CLUL1: variants seen among roughly 807,000 people sequenced by gnomAD.
CLUL1 encodes the protein clusterin like 1, also known as clusterin-like protein 1.
CLUL1 carries 43 observed loss-of-function variants against 49.4 expected under a neutral mutation model. The observed-to-expected ratio is 0.87, with a 90% CI of 0.68 to 1.12. The LOEUF is 1.12. Among genes scored for constraint, CLUL1 ranks in the 50% most tolerant of loss-of-function variants. CLUL1 has a pLI of 0.00. For synonymous variants in CLUL1, 192 were observed against 184.9 expected (o/e 1.04, Z -0.31); for missense variants, 486 against 544.4 (o/e 0.89, Z 1.07).
intron 1 of CLUL1, among the ~76,000 whole-genome samples, chr18:601,244 A>C (rs2072821344): frequency 6.6e-6 from 1 of 152,150 alleles, no homozygotes; most frequent in Non-Finnish European, 1.5e-5. Context: ...TTCTGTTTCC[A>C]AGTTTGTGTC....
intron 9 of CLUL1, among the ~76,000 whole-genome samples, chr18:647,504 C>T (rs1282726787): frequency 1.3e-5 from 2 of 152,130 alleles, no homozygotes; most frequent in East Asian, 1.9e-4. Flanking sequence ...AGGAGGAAAC[C>T]GATGGACAGC....
chr18:638,326 T>G (rs907914251), intron 7 of CLUL1, among the ~76,000 whole-genome samples: 7 of 152,218 alleles, frequency 4.6e-5, no homozygotes, highest in African/African-American at 1.7e-4. Flanking sequence ...CCAGCTAAAA[T>G]AGTTTATTAA....
chr18:605,979 T>G (rs564337131), intron 1 of CLUL1, among the ~76,000 whole-genome samples: 35 of 152,228 alleles, frequency 2.3e-4, no homozygotes, highest in African/African-American at 7.5e-4. Flanking sequence ...TGTAGTCGTT[T>G]TTTCTTTTCT....
chr18:641,362 G>C lies in CLUL1; in HGVS notation c.1030G>C (p.Asp344His). 1 of 1,614,158 alleles carries C rather than the reference G, an allele frequency of 6.2e-7. No homozygotes were observed. Among genetic ancestry groups the C allele is most frequent in the Non-Finnish European group, 8.5e-7 (1 of 1,180,034 alleles). ...PDVPALHTEL[D>H]EAIRLVNVSN... is the part of the protein sequence containing the mutation. ...TGTACCTGCTCTGCACACAGAATTA[G>C]ACGAGGCGATCAGGTTGGTCAATGT... The change falls in exon 8 of 10, where the codon GAC (aspartate) becomes CAC (histidine). Residue 344 changes from aspartate to histidine, a missense_variant. Physicochemically the swap from Asp to His is moderately conservative, Grantham distance 81 (BLOSUM62 -1). Transcript: ENST00000692774.
intron 4 of CLUL1, 148 bp downstream of exon 4, chr18:619,509 T>G: frequency 1.3e-6 from 1 of 787,648 alleles, no homozygotes; most frequent in Non-Finnish European, 1.9e-6. Flanking sequence ...TAAGGGAAGC[T>G]TCAGATTTCC....
In CLUL1 at chr18:610,675, G is replaced by T. The variant is rs73942577; in HGVS notation, c.-14+3576G>T. Among the ~76,000 whole-genome samples the T allele has an allele frequency of 3.3e-5, 5 of 152,214 alleles. No individual in the cohort carries two copies. In the South Asian group the frequency reaches 1.0e-3, roughly 32 times the overall value. ...AAGGGTCAGGAATGAGACTGAGCAGGTGTCATGTGTCTGACACCAGAGCCT... is the reference window on the plus strand; with the variant it reads ...AAGGGTCAGGAATGAGACTGAGCAGTTGTCATGTGTCTGACACCAGAGCCT... On this transcript the variant is annotated intron_variant, in intron 2 of 9. Coordinates refer to ENST00000692774, the MANE Select transcript of CLUL1 (RefSeq NM_001393344.1).
intron 6 of CLUL1, among the ~76,000 whole-genome samples, chr18:632,921 G>A (rs1180500552): frequency 1.3e-5 from 2 of 152,132 alleles, no homozygotes; most frequent in Middle Eastern, 3.2e-3. Flanking sequence ...TTGGGAGGCC[G>A]AGGCGGGTGG....
intron 2 of CLUL1, chr18:613,118 A>G (rs1350813198): frequency 1.3e-5 from 5 of 396,444 alleles, no homozygotes; most frequent in South Asian, 7.1e-5. Context: ...TACTTATGTT[A>G]TATGAAACTA....
At chr18:628,057 C>G (rs901018706) in intron 6 of CLUL1, among the ~76,000 whole-genome samples, 1 of 152,204 alleles carries the variant, frequency 6.6e-6, no homozygotes, top group South Asian at 2.1e-4. Context: ...AAACTCCCGA[C>G]CTCAGGTGAT....
At chr18:598,403 T>C in intron 1 of CLUL1, 1 of 394,738 alleles carries the variant, frequency 2.5e-6, no homozygotes, top group Non-Finnish European at 4.5e-6. Context: ...GTGTAAAGGG[T>C]CTGAATTTAG....
intron 2 of CLUL1, among the ~76,000 whole-genome samples, chr18:607,941 G>GA (rs747004125): frequency 3.3e-5 from 5 of 151,700 alleles, no homozygotes; most frequent in African/African-American, 4.8e-5. Flanking sequence ...GATCTAGGGT[G>GA]AAAAAAAAGT....
Position 645,113 on chromosome 18 carries a change from G to T in CLUL1, c.1397+16G>T. The T allele has an allele frequency of 6.4e-7, 1 of 1,553,428 alleles. No homozygotes were observed. Among genetic ancestry groups the T allele is most frequent in the South Asian group, 1.3e-5 (1 of 79,446 alleles). The stretch of plus-strand genomic sequence containing the variant: ...TTAAAACCTGGTAAGCAGAGTGCCT[G>T]GTTAGGAATGCCTTGTTGACAGGAA... On this transcript the variant is annotated intron_variant, in intron 9 of 9. Transcript: ENST00000692774.
intron 5 of CLUL1, among the ~76,000 whole-genome samples, chr18:625,637 C>A (rs2073663694): frequency 6.6e-6 from 1 of 151,858 alleles, no homozygotes; most frequent in African/African-American, 2.4e-5. Flanking sequence ...TGGTTATCTT[C>A]TGAGCAGAGG....
chr18:639,841 G>T (rs1033569255), intron 7 of CLUL1, among the ~76,000 whole-genome samples: 1 of 152,084 alleles, frequency 6.6e-6, no homozygotes. Context: ...ATTTGACTAT[G>T]TAACTTATTA....
chr18:628,372 T>C (rs112158332), intron 6 of CLUL1, among the ~76,000 whole-genome samples: 1,802 of 152,302 alleles, frequency 0.012, 31 homozygotes, highest in African/African-American at 0.041. Context: ...AGATAAGAAT[T>C]GCCTTCTACC....
chr18:601,796 G>A (rs899949127), intron 1 of CLUL1, among the ~76,000 whole-genome samples: 5 of 152,120 alleles, frequency 3.3e-5, no homozygotes, highest in African/African-American at 4.8e-5. Context: ...GTGTCACAGC[G>A]AGACTCCATC....
At position 649,956 on chromosome 18, in the gene CLUL1, C is replaced by G; in HGVS notation, c.*55C>G. ...GTAGAATTATCTCTTCATCTGGGAC[C>G]TGGAAATCCTGAAATAAAAAAGGAT... On this transcript the variant is annotated 3_prime_UTR_variant, in exon 10 of 10. Transcript: ENST00000692774. 1 of 1,150,104 alleles carries G rather than the reference C, an allele frequency of 8.7e-7. No individual in the cohort carries two copies. Among genetic ancestry groups the G allele is most frequent in the Non-Finnish European group, 1.3e-6 (1 of 789,030 alleles). 71.2% of individuals were successfully genotyped at this position (1,150,104 alleles called of 1,614,324 possible). A position where few individuals can be genotyped will look rare whatever the true frequency, so the allele number is the denominator to read the frequency against.
rs1037309113 is a variant in CLUL1, at chr18:618,542, A to G, written c.106+436A>G. ...GTTGTTCTGTGGCCATTAACTTGCA[A>G]CTTTGCTTGGTGATATATACTTTGG... On this transcript the variant is annotated intron_variant, in intron 3 of 9. Coordinates refer to ENST00000692774, the MANE Select transcript of CLUL1 (RefSeq NM_001393344.1). The surrounding 1 kb of genome is among the most constrained non-coding windows in gnomAD (Gnocchi z 4.2). 6.6e-6 allele frequency among the ~76,000 whole-genome samples: 1 copy of G among 152,180 alleles called. No homozygotes were observed. Among genetic ancestry groups the G allele is most frequent in the Non-Finnish European group, 1.5e-5 (1 of 68,036 alleles).
chr18:626,621 G>A (rs1367103350), intron 5 of CLUL1, among the ~76,000 whole-genome samples: 2 of 151,452 alleles, frequency 1.3e-5, no homozygotes, highest in African/African-American at 2.4e-5. Flanking sequence ...CACTTTGGGA[G>A]GCCAAGGCAT....
Sources: gnomAD v4.1 joint callset for allele counts (sites outside exome capture counted in the v4.1 genomes callset) on GRCh38, gnomAD v4.1.1 for gene constraint, Gnocchi (gnomAD v3.1) non-coding constraint, MANE v1.5 for transcripts, NCBI Gene and HGNC (gene_info 2026-07-23, HGNC 2026-07-21) for gene names.